Variants in DENND2A observed in about 807,000 individuals in gnomAD.
The protein encoded by DENND2A is DENN domain containing 2A, also known as DENN domain-containing protein 2A.
DENND2A carries 53 observed loss-of-function variants against 105.3 expected under a neutral mutation model. That is an observed-to-expected ratio of 0.50 (90% CI 0.40 to 0.63). DENND2A has a LOEUF of 0.63. Ranked by LOEUF, DENND2A falls within the 30% of genes least tolerant of loss-of-function variation. The pLI is 0.00. For synonymous variants in DENND2A, 522 were observed against 508.4 expected, an observed-to-expected ratio of 1.03 and a Z score of -0.36; for missense variants, 1,138 against 1,279.6, an observed-to-expected ratio of 0.89 and a Z score of 1.69.
In DENND2A at chr7:140,612,140, C is replaced by T. The variant is rs536018700; in HGVS notation, c.-247-6334G>A. Among the ~76,000 whole-genome samples, 491 of 152,006 alleles carry T rather than the reference C, an allele frequency of 3.2e-3. 4 individuals are homozygous for T. The highest frequency in any genetic ancestry group is 0.011 in the African/African-American group (470 of 41,448). The stretch of plus-strand genomic sequence containing the variant: ...CCTGTAATCCCAGCTACTTGGGAAG[C>T]TGAGGCAAGATAATCGCTTGAACCT... On this transcript the variant is annotated intron_variant, in intron 1 of 19. Coordinates refer to ENST00000496613, the MANE Select transcript of DENND2A (RefSeq NM_015689.5).
intron 12 of DENND2A, among the ~76,000 whole-genome samples, chr7:140,555,267 G>A (rs1234487755): frequency 1.3e-5 from 2 of 151,904 alleles, no homozygotes; most frequent in Non-Finnish European, 2.9e-5. Flanking sequence ...CTGAGTAGCT[G>A]GGGTTACAGG....
At chr7:140,620,137 A>G (rs1238727615) in intron 1 of DENND2A, among the ~76,000 whole-genome samples, 1 of 152,006 alleles carries the variant, frequency 6.6e-6, no homozygotes, top group Non-Finnish European at 1.5e-5. Context: ...CGGAGGTTGC[A>G]TGGAGCCAAG....
chr7:140,553,005 C>G (rs1319368679), intron 12 of DENND2A, among the ~76,000 whole-genome samples: 3 of 152,000 alleles, frequency 2.0e-5, no homozygotes, highest in Non-Finnish European at 2.9e-5. Context: ...GTTGCCCCTC[C>G]ACACCTGTTG....
In DENND2A at chr7:140,559,690, G is replaced by A. The variant is rs1298654283; in HGVS notation, c.1889+18C>T. ...GCCTTAGTCTTTGGGGCTGCGAAGG[G>A]GAGAAGCCAGCTCGTACCTGGTGAA... On this transcript the variant is annotated intron_variant, in intron 10 of 19. Coordinates refer to ENST00000496613, the MANE Select transcript of DENND2A (RefSeq NM_015689.5). The surrounding 1 kb of genome is among the most constrained non-coding windows in gnomAD (Gnocchi z 4.1). 6.3e-7 allele frequency: 1 copy of A among 1,594,090 alleles called. No individual in the cohort carries two copies. The highest frequency in any genetic ancestry group is 8.6e-7 in the Non-Finnish European group (1 of 1,162,120).
At chr7:140,603,210 CG>C (rs34394490) in intron 2 of DENND2A, among the ~76,000 whole-genome samples, 45,296 of 151,714 alleles carry the variant, frequency 0.3, 6,878 homozygotes, top group Middle Eastern at 0.39. Context: ...TGCTGGAACC[CG>C]GGAGGCAGAG....
In DENND2A at chr7:140,595,531, G is replaced by A. The variant is rs1465500010; in HGVS notation, c.995+5872C>T. Among the ~76,000 whole-genome samples the A allele has an allele frequency of 2.0e-5, 3 of 152,146 alleles. No individual in the cohort carries two copies. In the East Asian group the frequency reaches 5.8e-4, roughly 29 times the overall value. ...CGCCTATAATCCTAGCACTTTGGTA[G>A]GCTGAGGCAGGCAGATGGCTTGAGT... On this transcript the variant is annotated intron_variant, in intron 3 of 19. Transcript: ENST00000496613.
intron 1 of DENND2A, among the ~76,000 whole-genome samples, chr7:140,639,922 T>C (rs1161953355): frequency 6.6e-6 from 1 of 152,238 alleles, no homozygotes; most frequent in Admixed American, 6.5e-5. Flanking sequence ...AATACGATTG[T>C]GTCCAGACTT....
chr7:140,568,307 G>T (rs573128687), intron 8 of DENND2A, among the ~76,000 whole-genome samples: 1 of 152,260 alleles, frequency 6.6e-6, no homozygotes, highest in Admixed American at 6.5e-5. Context: ...TAAAGCCTTG[G>T]CCTAGACTAT....
Position 140,525,065 on chromosome 7 carries a change from T to C in DENND2A, c.2547+686A>G, listed in dbSNP as rs140143130. ...TATTGAAGCTGGGCATGGTGGTGCATGCCTCCAGCTACTGAGGAGACTGAG... is the reference window on the plus strand; with the variant it reads ...TATTGAAGCTGGGCATGGTGGTGCACGCCTCCAGCTACTGAGGAGACTGAG... On this transcript the variant is annotated intron_variant, in intron 16 of 19. Coordinates refer to ENST00000496613, the MANE Select transcript of DENND2A (RefSeq NM_015689.5). Among the ~76,000 whole-genome samples, 874 of 150,850 alleles carry C rather than the reference T, an allele frequency of 5.8e-3. 16 individuals are homozygous for C. Among genetic ancestry groups the C allele is most frequent in the African/African-American group, 0.02 (818 of 40,808 alleles).
At chr7:140,615,181 A>T (rs1479531905) in intron 1 of DENND2A, among the ~76,000 whole-genome samples, 2 of 152,228 alleles carry the variant, frequency 1.3e-5, no homozygotes, top group South Asian at 2.1e-4. Flanking sequence ...AAAAGGTTTT[A>T]AAAAAATTAA....
At chr7:140,622,286 C>T (rs1475134307) in intron 1 of DENND2A, among the ~76,000 whole-genome samples, 2 of 151,942 alleles carry the variant, frequency 1.3e-5, no homozygotes, top group African/African-American at 4.8e-5. Context: ...ATCTCAGCTA[C>T]TCGGGAGGCT....
chr7:140,606,995 G>A (rs188677653), intron 1 of DENND2A, among the ~76,000 whole-genome samples: 1 of 152,334 alleles, frequency 6.6e-6, no homozygotes, highest in African/African-American at 2.4e-5. Context: ...CCAACAGGAT[G>A]GGCCACGCAG....
At chr7:140,571,122 A>G (rs1160260917) in intron 6 of DENND2A, among the ~76,000 whole-genome samples, 1 of 152,232 alleles carries the variant, frequency 6.6e-6, no homozygotes, top group Non-Finnish European at 1.5e-5. Context: ...AAACAAAAAT[A>G]TAGGATGGTA....
chr7:140,533,471 G>C (rs558390937), intron 14 of DENND2A, among the ~76,000 whole-genome samples: 1 of 152,178 alleles, frequency 6.6e-6, no homozygotes, highest in Non-Finnish European at 1.5e-5. Flanking sequence ...GACACCCGGA[G>C]GCCCTGGTTC....
At chr7:140,554,224 CA>C (rs879656542) in intron 12 of DENND2A, among the ~76,000 whole-genome samples, 183 of 135,660 alleles carry the variant, frequency 1.3e-3, no homozygotes, top group Admixed American at 2.1e-3. Flanking sequence ...GACTCCGTCT[CA>C]AAAAAAAAAA....
intron 9 of DENND2A, among the ~76,000 whole-genome samples, chr7:140,565,016 G>T (rs573380102): frequency 2.0e-5 from 3 of 152,286 alleles, no homozygotes; most frequent in South Asian, 4.1e-4. Context: ...GAAGGTGAGT[G>T]TCACCTTTGG....
intron 11 of DENND2A, among the ~76,000 whole-genome samples, chr7:140,557,529 A>ATT (rs1563139283): frequency 3.0e-5 from 1 of 32,946 alleles, no homozygotes; most frequent in African/African-American, 7.6e-5. Context: ...ATATATATAT[A>ATT]TATTTTTTTT....
rs1307923236 is a variant in DENND2A, at chr7:140,555,583, C to T, written c.2037+53G>A. On this transcript the variant is annotated intron_variant, in intron 12 of 19. Coordinates refer to ENST00000496613, the MANE Select transcript of DENND2A (RefSeq NM_015689.5). ...ACATGGGGGTATTCCCTGGAGCCCTCTAGAGCCCTCCCGTTCCTTCCCTTC... is the reference window on the plus strand; with the variant it reads ...ACATGGGGGTATTCCCTGGAGCCCTTTAGAGCCCTCCCGTTCCTTCCCTTC... 4.5e-6 allele frequency: 7 copies of T among 1,556,692 alleles called. No individual in the cohort carries two copies. In the African/African-American group the frequency reaches 9.6e-5, roughly 21 times the overall value.
rs1797974312 is a variant in DENND2A at position 140,568,797 on chromosome 7, A to G, written c.1557T>C (p.Ser519=). 1 of 1,614,006 alleles carries G rather than the reference A, an allele frequency of 6.2e-7. No individual in the cohort carries two copies. Among genetic ancestry groups the G allele is most frequent in the African/African-American group, 1.3e-5 (1 of 74,902 alleles). Residue 519 remains serine (S), a synonymous_variant, in exon 8 of 20, where the codon AGT becomes AGC. Coordinates refer to ENST00000496613, the MANE Select transcript of DENND2A (RefSeq NM_015689.5). The stretch of plus-strand genomic sequence containing the variant: ...TCTCCTCTGTGTCACTGTCAGACTC[A>G]CTGTTCTCATCTGTCACTAGAAGAA... ...SNSGKVTDEN[S]ESDSDTEEKL... is the part of the protein sequence containing the mutation.
Sources: allele counts gnomAD v4.1 joint callset (sites outside exome capture counted in the v4.1 genomes callset), GRCh38; gene constraint gnomAD v4.1.1; non-coding constraint Gnocchi (gnomAD v3.1); transcripts MANE v1.5; gene names NCBI Gene and HGNC (gene_info 2026-07-23, HGNC 2026-07-21).